Variants in DLG2 observed in about 807,000 individuals in gnomAD.
DLG2 encodes discs large MAGUK scaffold protein 2.
A neutral mutation model predicts 132.5 loss-of-function variants in DLG2; 45 were observed. The ratio of observed to expected loss-of-function variants is 0.34; its 90% CI spans 0.27 to 0.44. The LOEUF (loss-of-function observed/expected upper bound fraction) is 0.44. DLG2 is among the 20% of genes least tolerant of loss of function. The pLI is 1.00. For missense variants in DLG2, 1,045 were observed against 1,196.9 expected (o/e 0.87, Z 1.87); for synonymous variants, 424 against 419.6 (o/e 1.01, Z -0.13).
intron 6 of DLG2, among the ~76,000 whole-genome samples, chr11:84,710,512 T>C (rs2060262832): frequency 6.6e-6 from 1 of 151,958 alleles, no homozygotes. Flanking sequence ...AGCTGCCATC[T>C]TATTTGAGAA....
At chr11:84,863,369 T>C (rs1239878498) in intron 6 of DLG2, among the ~76,000 whole-genome samples, 1 of 152,192 alleles carries the variant, frequency 6.6e-6, no homozygotes, top group East Asian at 1.9e-4. Context: ...ATTATCTTCT[T>C]TTCCTTCATA....
chr11:85,387,806 G>A (rs990577620), intron 3 of DLG2, among the ~76,000 whole-genome samples: 1 of 152,132 alleles, frequency 6.6e-6, no homozygotes, highest in East Asian at 1.9e-4. Flanking sequence ...ATCTAGAGGG[G>A]AAAAAATGGC....
chr11:84,919,910 G>C (rs1261578283), intron 6 of DLG2, among the ~76,000 whole-genome samples: 1 of 152,146 alleles, frequency 6.6e-6, no homozygotes, highest in Non-Finnish European at 1.5e-5. Context: ...TCTTTTTAGT[G>C]AGTAGACTAA....
rs2045817832 is a variant in DLG2, at chr11:83,806,000, C to T, written c.1723-19208G>A. 2.0e-5 allele frequency among the ~76,000 whole-genome samples: 3 copies of T among 152,142 alleles called. No individual in the cohort carries two copies. In the South Asian group the frequency reaches 6.2e-4, roughly 31 times the overall value. On this transcript the variant is annotated intron_variant, in intron 17 of 27. Coordinates refer to ENST00000376104, the MANE Select transcript of DLG2 (RefSeq NM_001142699.3). ...CCTCCTCTCCTAAGCAAACCCTCTG[C>T]TGCTGCTAGAAGCTTCATGTCCATC...
chr11:85,418,295 G>A (rs776154685), intron 3 of DLG2, among the ~76,000 whole-genome samples: 2 of 152,194 alleles, frequency 1.3e-5, no homozygotes, highest in Non-Finnish European at 2.9e-5. Flanking sequence ...TGATTGCACT[G>A]TGGTCTGAGA....
intron 6 of DLG2, among the ~76,000 whole-genome samples, chr11:85,003,254 T>G (rs2058366376): frequency 1.3e-5 from 2 of 152,138 alleles, no homozygotes; most frequent in Admixed American, 1.3e-4. Flanking sequence ...GAATACAACG[T>G]AAATAACACA....
chr11:84,561,879 T>G (rs1284085008), intron 6 of DLG2, among the ~76,000 whole-genome samples: 1 of 152,152 alleles, frequency 6.6e-6, no homozygotes, highest in Non-Finnish European at 1.5e-5. Context: ...TGATGAACAC[T>G]ATATATGTCA....
chr11:84,808,422 T>C (rs776622738), intron 6 of DLG2, among the ~76,000 whole-genome samples: 1 of 151,556 alleles, frequency 6.6e-6, no homozygotes, highest in Non-Finnish European at 1.5e-5. Context: ...ACCTAGGAAA[T>C]AGTAAAATAA....
intron 7 of DLG2, among the ~76,000 whole-genome samples, chr11:84,490,760 C>T (rs2099162877): frequency 6.6e-6 from 1 of 150,958 alleles, no homozygotes; most frequent in Admixed American, 6.6e-5. Context: ...CCTATGAGTA[C>T]ATCAAAACCC....
At chr11:84,466,059 T>C (rs35430759) in intron 7 of DLG2, among the ~76,000 whole-genome samples, 3 of 151,222 alleles carry the variant, frequency 2.0e-5, no homozygotes, top group Non-Finnish European at 4.4e-5. Context: ...TATGATAAAG[T>C]TGACATCTCA....
intron 4 of DLG2, among the ~76,000 whole-genome samples, chr11:85,272,008 T>C (rs1434664392): frequency 1.3e-5 from 2 of 152,204 alleles, no homozygotes; most frequent in Admixed American, 6.5e-5. Flanking sequence ...CAGGTGTGAA[T>C]GATATGGTTC....
At chr11:84,536,311 C>G (rs496322) in intron 6 of DLG2, among the ~76,000 whole-genome samples, 92,154 of 151,800 alleles carry the variant, frequency 0.61, 28,391 homozygotes, top group East Asian at 0.76. Flanking sequence ...AGACCCTATC[C>G]AGATCATTGC....
intron 21 of DLG2, among the ~76,000 whole-genome samples, chr11:83,491,462 C>A (rs919059181): frequency 3.3e-5 from 5 of 151,944 alleles, no homozygotes; most frequent in Non-Finnish European, 4.4e-5. Flanking sequence ...GAAATGGAAT[C>A]CCAGATGAAA....
intron 14 of DLG2, among the ~76,000 whole-genome samples, chr11:83,946,571 T>C (rs1230833894): frequency 6.6e-6 from 1 of 151,994 alleles, no homozygotes; most frequent in South Asian, 2.1e-4. Context: ...CATTTTTGAA[T>C]GACATTAACT....
chr11:85,544,377 C>T (rs2076167437), intron 3 of DLG2, among the ~76,000 whole-genome samples: 1 of 152,172 alleles, frequency 6.6e-6, no homozygotes, highest in Non-Finnish European at 1.5e-5. Context: ...CAGTACCATG[C>T]TGTTTTGGTT....
chr11:85,080,151 A>T (rs1398101936), intron 6 of DLG2, among the ~76,000 whole-genome samples: 1 of 152,106 alleles, frequency 6.6e-6, no homozygotes, highest in Non-Finnish European at 1.5e-5. Flanking sequence ...GTTCTGTGAT[A>T]GTACCTGAAC....
intron 3 of DLG2, among the ~76,000 whole-genome samples, chr11:85,491,327 A>C (rs1030616824): frequency 2.6e-5 from 4 of 152,154 alleles, no homozygotes; most frequent in Non-Finnish European, 5.9e-5. Flanking sequence ...GAATAGGAAA[A>C]AGATGAAAGC....
intron 14 of DLG2, among the ~76,000 whole-genome samples, chr11:83,933,590 G>C (rs1298740202): frequency 6.6e-6 from 1 of 152,186 alleles, no homozygotes; most frequent in Non-Finnish European, 1.5e-5. Flanking sequence ...CTTGCTATTT[G>C]TTCTATTTCC....
chr11:83,676,166 C>A (rs1377455395), intron 18 of DLG2, among the ~76,000 whole-genome samples: 2 of 152,168 alleles, frequency 1.3e-5, no homozygotes, highest in African/African-American at 4.8e-5. Context: ...ATAAGCCAGT[C>A]TCTTCAAAGT....
Sources: gnomAD v4.1 joint callset for allele counts (sites outside exome capture counted in the v4.1 genomes callset) on GRCh38, gnomAD v4.1.1 for gene constraint, MANE v1.5 for transcripts, NCBI Gene and HGNC (gene_info 2026-07-23, HGNC 2026-07-21) for gene names.